RGS6: variants seen among roughly 807,000 people sequenced by gnomAD.
RGS6 encodes the protein regulator of G-protein signaling 6.
In RGS6, 30 loss-of-function variants were observed where a neutral mutation model predicts 78.5. The observed-to-expected ratio is 0.38, with a 90% CI of 0.29 to 0.52. The LOEUF (loss-of-function observed/expected upper bound fraction) is 0.52, where lower values mean the gene tolerates loss of function less well. RGS6 is among the 20% of genes least tolerant of loss of function. The probability of loss-of-function intolerance (pLI) is 0.85; values close to 1 mark genes in which losing one functional copy is unlikely to be tolerated. For missense variants in RGS6, 495 were observed against 609.7 expected, an observed-to-expected ratio of 0.81 and a Z score of 1.98; for synonymous variants, 206 against 206.0, an observed-to-expected ratio of 1.00 and a Z score of 0.00.
intron 2 of RGS6, among the ~76,000 whole-genome samples, chr14:72,232,412 T>G (rs1166826020): frequency 6.6e-6 from 1 of 152,226 alleles, no homozygotes; most frequent in Admixed American, 6.5e-5. Context: ...GGTCTTTGCA[T>G]GCACTTCTTT....
chr14:72,195,207 C>CAA (rs539081840), intron 2 of RGS6, among the ~76,000 whole-genome samples: 21 of 138,756 alleles, frequency 1.5e-4, no homozygotes, highest in African/African-American at 5.3e-4. Context: ...AACTCCATCT[C>CAA]AAAAAAAAAA....
chr14:72,414,894 C>T (rs2093689818), intron 3 of RGS6, among the ~76,000 whole-genome samples: 2 of 152,200 alleles, frequency 1.3e-5, no homozygotes, highest in South Asian at 4.1e-4. Flanking sequence ...AGTGCTGCTG[C>T]CTGATCGTTC....
At chr14:72,315,280 ATG>A (rs1398350895) in intron 2 of RGS6, among the ~76,000 whole-genome samples, 3 of 152,250 alleles carry the variant, frequency 2.0e-5, no homozygotes, top group Non-Finnish European at 4.4e-5. Context: ...GAGTCTGGAA[ATG>A]TAAATATGTT....
At chr14:72,538,814 T>A (rs1333717573) in intron 16 of RGS6, among the ~76,000 whole-genome samples, 1 of 152,210 alleles carries the variant, frequency 6.6e-6, no homozygotes, top group Non-Finnish European at 1.5e-5. Context: ...CTCATATCTG[T>A]CTTCTGGCAG....
intron 2 of RGS6, among the ~76,000 whole-genome samples, chr14:72,236,986 G>A (rs367612956): frequency 1.5e-4 from 23 of 152,254 alleles, no homozygotes; most frequent in East Asian, 9.7e-4. Flanking sequence ...CTACGTGCAC[G>A]CAGAGGGAAC....
At position 71,936,025 on chromosome 14, in the gene RGS6, T is replaced by G. The variant is rs980844978; in HGVS notation, c.-21+3084T>G. Reference sequence around the variant, plus strand: ...GGACAGAACTAATAGGATATATATATATATATATATATATATGTACATATA... The same window carrying G: ...GGACAGAACTAATAGGATATATATAGATATATATATATATATGTACATATA... On this transcript the variant is annotated intron_variant, in intron 1 of 17. Transcript: ENST00000553525. Among the ~76,000 whole-genome samples, 13 of 138,800 alleles carry G rather than the reference T, an allele frequency of 9.4e-5. 1 individual carries two copies. Among genetic ancestry groups the G allele is most frequent in the African/African-American group, 3.4e-4 (13 of 37,828 alleles). The allele number at this position is 138,800 out of a possible 152,430, so 91.1% of individuals were successfully genotyped here.
At chr14:72,191,801 G>A (rs566299175) in intron 2 of RGS6, among the ~76,000 whole-genome samples, 1 of 152,314 alleles carries the variant, frequency 6.6e-6, no homozygotes, top group East Asian at 1.9e-4. Context: ...GCTGACTTTG[G>A]TGGTCATGTC....
At chr14:71,925,718 A>ATATTATATTATAT in the RGS6 span, among the ~76,000 whole-genome samples, 1 of 147,854 alleles carries the variant, frequency 6.8e-6, no homozygotes, top group African/African-American at 2.5e-5. Flanking sequence ...ACTTCATATT[A>ATATTATATTATAT]TATTATATTA....
At chr14:72,478,446 A>G in intron 12 of RGS6, 117 bp downstream of exon 12, 3 of 744,924 alleles carry the variant, frequency 4.0e-6, no homozygotes, top group Non-Finnish European at 6.7e-6. Flanking sequence ...GTTATTCCTT[A>G]GACTGGGGTG....
intron 2 of RGS6, among the ~76,000 whole-genome samples, chr14:72,068,488 C>A (rs2094265079): frequency 7.4e-6 from 1 of 134,664 alleles, no homozygotes; most frequent in African/African-American, 2.7e-5. Flanking sequence ...CTCTCCCTCC[C>A]ACTCTTCCTA....
intron 2 of RGS6, among the ~76,000 whole-genome samples, chr14:72,242,788 A>C (rs922148114): frequency 6.7e-6 from 1 of 149,554 alleles, no homozygotes; most frequent in African/African-American, 2.5e-5. Context: ...ATTTTCAAAA[A>C]TTTTTTAAAC....
At chr14:72,610,778 A>C in the RGS6 span, among the ~76,000 whole-genome samples, 12 of 152,278 alleles carry the variant, frequency 7.9e-5, no homozygotes, top group East Asian at 2.3e-3. Context: ...TTCATCCCTC[A>C]AGGAGCTGGG....
chr14:71,992,322 C>G (rs1317426382), intron 2 of RGS6, among the ~76,000 whole-genome samples: 1 of 152,238 alleles, frequency 6.6e-6, no homozygotes, highest in East Asian at 1.9e-4. Flanking sequence ...CGTGAGCCCA[C>G]ACTCCACTAG....
At chr14:72,574,617 C>T in the RGS6 span, among the ~76,000 whole-genome samples, 6 of 152,166 alleles carry the variant, frequency 3.9e-5, no homozygotes, top group Non-Finnish European at 8.8e-5. Flanking sequence ...TTCTTGTCCT[C>T]GAAGACCACA....
chr14:72,465,857 AG>A, intron 7 of RGS6, 35 bp downstream of exon 7: 1 of 1,542,684 alleles, frequency 6.5e-7, no homozygotes, highest in Admixed American at 1.7e-5. Context: ...ACATATAAGA[AG>A]AGAGTAAAAT....
chr14:72,474,509 T>G, intron 9 of RGS6, 116 bp from the exon 10 acceptor site: 1 of 900,292 alleles, frequency 1.1e-6, no homozygotes, highest in Non-Finnish European at 1.7e-6. Context: ...GAAAAAAAAA[T>G]CATGCATTGT....
the RGS6 span, among the ~76,000 whole-genome samples, chr14:71,871,270 A>T: frequency 2.0e-5 from 3 of 152,208 alleles, no homozygotes; most frequent in African/African-American, 7.2e-5. Flanking sequence ...TAGAGGGGAC[A>T]TCCCAAACCA....
At chr14:72,282,353 C>G (rs1214194160) in intron 2 of RGS6, among the ~76,000 whole-genome samples, 1 of 152,202 alleles carries the variant, frequency 6.6e-6, no homozygotes, top group African/African-American at 2.4e-5. Flanking sequence ...GTGTGCTACA[C>G]TTTTCAGGTA....
chr14:71,967,204 T>C (rs2093576448), intron 2 of RGS6, among the ~76,000 whole-genome samples: 2 of 151,436 alleles, frequency 1.3e-5, no homozygotes, highest in South Asian at 4.2e-4. Context: ...TATATATATA[T>C]ATATATGTTC....
Sources: gnomAD v4.1 joint callset for allele counts (sites outside exome capture counted in the v4.1 genomes callset) on GRCh38, gnomAD v4.1.1 for gene constraint, MANE v1.5 for transcripts, NCBI Gene and HGNC (gene_info 2026-07-23, HGNC 2026-07-21) for gene names.